Variants in FAM114A2 observed in about 807,000 individuals in gnomAD.
FAM114A2 encodes protein FAM114A2.
A neutral mutation model predicts 58.4 loss-of-function variants in FAM114A2; 53 were observed. The ratio of observed to expected loss-of-function variants is 0.91; its 90% CI spans 0.73 to 1.14. The LOEUF (loss-of-function observed/expected upper bound fraction) is 1.14. Ranked by LOEUF, FAM114A2 falls within the 50% of genes most tolerant of loss-of-function variation. FAM114A2 has a pLI of 0.00. For missense variants in FAM114A2, 601 were observed against 581.1 expected (o/e 1.03, Z -0.35); for synonymous variants, 228 against 211.4 (o/e 1.08, Z -0.68).
intron 8 of FAM114A2, among the ~76,000 whole-genome samples, chr5:154,022,185 G>C (rs905613502): frequency 1.3e-5 from 2 of 152,100 alleles, no homozygotes; most frequent in African/African-American, 2.4e-5. Context: ...AAAAACCCTA[G>C]AAGAAAACCT....
intron 9 of FAM114A2, among the ~76,000 whole-genome samples, chr5:154,005,547 G>C (rs1770295041): frequency 6.6e-6 from 1 of 152,144 alleles, no homozygotes; most frequent in South Asian, 2.1e-4. Flanking sequence ...CCCTAAGAAT[G>C]AAGCCAAAAC....
chr5:154,033,285 G>C (rs720987), intron 4 of FAM114A2, among the ~76,000 whole-genome samples: 1 of 151,958 alleles, frequency 6.6e-6, no homozygotes, highest in African/African-American at 2.4e-5. Flanking sequence ...AGGCCCTCTC[G>C]ATTTCTGGTT....
intron 9 of FAM114A2, among the ~76,000 whole-genome samples, chr5:154,008,926 C>T (rs1770520333): frequency 6.6e-6 from 1 of 152,048 alleles, no homozygotes; most frequent in African/African-American, 2.4e-5. Flanking sequence ...AAGGAAAAAC[C>T]CTGTAGGGAT....
At chr5:154,018,619 A>T (rs1267719999) in intron 8 of FAM114A2, among the ~76,000 whole-genome samples, 1 of 152,080 alleles carries the variant, frequency 6.6e-6, no homozygotes, top group Non-Finnish European at 1.5e-5. Context: ...GAAAACTACA[A>T]ACCAATATCC....
intron 9 of FAM114A2, among the ~76,000 whole-genome samples, chr5:154,005,854 G>GTTTTC (rs1770316597): frequency 6.6e-6 from 1 of 152,192 alleles, no homozygotes. Flanking sequence ...GACTTTGAGA[G>GTTTTC]TCATTCTAAC....
rs747422633 is a variant in FAM114A2, at chr5:153,993,122, G to GA, written c.1384-13dup. 10 of 1,585,992 alleles carry GA rather than the reference G, an allele frequency of 6.3e-6. No individual in the cohort carries two copies. The highest frequency in any genetic ancestry group is 2.3e-5 in the South Asian group (2 of 86,406). Reference sequence around the variant, plus strand: ...GCACTGTTTGATGCCTGCCAGGATTGAAAAAACAAGAAAAAGAAAATATTA... The same window carrying GA: ...GCACTGTTTGATGCCTGCCAGGATTGAAAAAAACAAGAAAAAGAAAATATTA... On this transcript the variant is annotated splice_polypyrimidine_tract_variant and intron_variant, in intron 13 of 13. Transcript: ENST00000351797.
At chr5:154,026,236 G>A (rs141911159) in intron 8 of FAM114A2, 163 bp downstream of exon 8, 2 of 442,486 alleles carry the variant, frequency 4.5e-6, no homozygotes, top group Admixed American at 4.7e-5. Context: ...CTAGTCAGGT[G>A]CAAGGCTGCA....
Position 153,991,902 on chromosome 5 carries a change from A to T in FAM114A2, c.*1074T>A, listed in dbSNP as rs1229866361. Reference sequence around the variant, plus strand: ...GGATACCAAAATAGCTTTTAGGAAGACGACAGCTTAATAGTCTCTTAAATT... The same window carrying T: ...GGATACCAAAATAGCTTTTAGGAAGTCGACAGCTTAATAGTCTCTTAAATT... On this transcript the variant is annotated 3_prime_UTR_variant, in exon 14 of 14. Transcript: ENST00000351797. 1 of 152,204 alleles carries T rather than the reference A, an allele frequency of 6.6e-6. No homozygotes were observed. Among genetic ancestry groups the T allele is most frequent in the African/African-American group, 2.4e-5 (1 of 41,462 alleles). 9.4% of individuals were successfully genotyped at this position (152,204 alleles called of 1,614,324 possible). A position where few individuals can be genotyped will look rare whatever the true frequency, so the allele number is the denominator to read the frequency against.
chr5:154,012,475 C>CA (rs1336611659), intron 8 of FAM114A2, among the ~76,000 whole-genome samples: 1 of 152,188 alleles, frequency 6.6e-6, no homozygotes, highest in African/African-American at 2.4e-5. Context: ...AATCTTCTAG[C>CA]AATCTATTTA....
In FAM114A2 at chr5:154,002,729, C is replaced by T. The variant is rs1770070112; in HGVS notation, c.1116+118G>A. 6 of 1,033,018 alleles carry T rather than the reference C, an allele frequency of 5.8e-6. No individual in the cohort carries two copies. In the South Asian group the frequency reaches 9.1e-5, roughly 16 times the overall value. 64.0% of individuals were successfully genotyped at this position (1,033,018 alleles called of 1,614,324 possible). A position where few individuals can be genotyped will look rare whatever the true frequency, so the allele number is the denominator to read the frequency against. The stretch of plus-strand genomic sequence containing the variant: ...TAGTCTGGATCTAAGATGCTACAAT[C>T]CTAGATCACAAGGTTGAAATTACGG... On this transcript the variant is annotated intron_variant, in intron 10 of 13. Transcript: ENST00000351797.
chr5:154,026,581 A>G lies in FAM114A2; in HGVS notation c.790-59T>C, dbSNP rs921835967. ...TATGAAAGAAAAGAAAAACATTCACAAATAGGGAAGAGACTATAAAAAGAT... is the reference window on the plus strand; with the variant it reads ...TATGAAAGAAAAGAAAAACATTCACGAATAGGGAAGAGACTATAAAAAGAT... On this transcript the variant is annotated intron_variant, in intron 7 of 13. Transcript: ENST00000351797. 1.9e-5 allele frequency: 23 copies of G among 1,211,122 alleles called. No individual in the cohort carries two copies. The Middle Eastern group carries it at 1.1e-3, about 59-fold the overall frequency. 75.0% of individuals were successfully genotyped at this position (1,211,122 alleles called of 1,614,324 possible).
chr5:153,997,748 A>T, intron 12 of FAM114A2, 55 bp downstream of exon 12: 1 of 1,082,802 alleles, frequency 9.2e-7, no homozygotes. Context: ...TATGATATTT[A>T]AACTGCTAAA....
intron 13 of FAM114A2, 133 bp downstream of exon 13, chr5:153,994,784 TTC>T (rs1769449045): frequency 1.6e-6 from 1 of 617,792 alleles, no homozygotes; most frequent in African/African-American, 1.8e-5. Flanking sequence ...TATACACTAT[TTC>T]TGTCATATCT....
chr5:154,012,432 C>T (rs1366024799), intron 8 of FAM114A2, among the ~76,000 whole-genome samples: 1 of 152,198 alleles, frequency 6.6e-6, no homozygotes, highest in African/African-American at 2.4e-5. Flanking sequence ...TTCTCTGCAA[C>T]ATGGAATGCA....
chr5:154,016,764 G>A (rs1198292706), intron 8 of FAM114A2, among the ~76,000 whole-genome samples: 1 of 151,518 alleles, frequency 6.6e-6, no homozygotes, highest in Non-Finnish European at 1.5e-5. Flanking sequence ...ACAATGAATG[G>A]AATGGTGCCT....
In FAM114A2 at chr5:153,992,657, C is replaced by T. The variant is rs76055788; in HGVS notation, c.*319G>A. ...ATTATATCCATGACAAAATTGATAA[C>T]ATTTTGCAACATGTCAAAGAAAGAC... On this transcript the variant is annotated 3_prime_UTR_variant, in exon 14 of 14. Coordinates refer to ENST00000351797, the MANE Select transcript of FAM114A2 (RefSeq NM_018691.4). 545 of 186,356 alleles carry T rather than the reference C, an allele frequency of 2.9e-3. 7 individuals carry two copies. Among genetic ancestry groups the T allele is most frequent in the African/African-American group, 0.012 (512 of 42,910 alleles). 11.5% of individuals were successfully genotyped at this position (186,356 alleles called of 1,614,324 possible).
Position 154,027,296 on chromosome 5 carries a change from G to A in FAM114A2, c.669C>T (p.Thr223=), listed in dbSNP as rs753671926. 6.2e-7 allele frequency: 1 copy of A among 1,613,064 alleles called. No homozygotes were observed. The highest frequency in any genetic ancestry group is 8.5e-7 in the Non-Finnish European group (1 of 1,179,540). The change falls in exon 7 of 14, where the codon ACC becomes ACT. Residue 223 remains threonine, a synonymous_variant. Transcript: ENST00000351797. ...CTGTTTCCACGGTAACCTCATTGGA[G>A]GTCCGTATCTCTTCTTTCTCCTTCG... is the stretch of plus-strand genomic sequence containing the variant. The part of the protein sequence containing the change: ...REAKEKEEIR[T]SNEVTVETDK...
At chr5:154,015,715 C>A (rs548917548) in intron 8 of FAM114A2, among the ~76,000 whole-genome samples, 1 of 152,206 alleles carries the variant, frequency 6.6e-6, no homozygotes, top group East Asian at 1.9e-4. Flanking sequence ...AAACAAGGTT[C>A]TTTAACACCC....
At chr5:154,027,380 C>T in intron 6 of FAM114A2, 46 bp from the exon 7 acceptor site, 1 of 1,534,968 alleles carries the variant, frequency 6.5e-7, no homozygotes, top group East Asian at 2.3e-5. Flanking sequence ...AATGAGAGCT[C>T]AAGGGTGAGT....
Sources: allele counts gnomAD v4.1 joint callset (sites outside exome capture counted in the v4.1 genomes callset), GRCh38; gene constraint gnomAD v4.1.1; transcripts MANE v1.5; gene names NCBI Gene and HGNC (gene_info 2026-07-23, HGNC 2026-07-21).